Variants in ASAP1 observed in about 807,000 individuals in gnomAD.
The protein encoded by ASAP1 is arf-GAP with SH3 domain, ANK repeat and PH domain-containing protein 1.
In ASAP1, 43 loss-of-function variants were observed where a neutral mutation model predicts 145.2. The observed-to-expected ratio is 0.30, with a 90% CI of 0.23 to 0.38. ASAP1 has a LOEUF of 0.38. ASAP1 is among the 10% of genes least tolerant of loss of function. The pLI, the probability that ASAP1 is intolerant of heterozygous loss-of-function variation, is 1.00. For missense variants in ASAP1, 1,018 were observed against 1,355.3 expected (o/e 0.75, Z 3.91); for synonymous variants, 546 against 515.5 (o/e 1.06, Z -0.80).
chr8:130,394,435 C>G (rs552716788), intron 2 of ASAP1, among the ~76,000 whole-genome samples: 2 of 152,098 alleles, frequency 1.3e-5, no homozygotes, highest in South Asian at 2.1e-4. Flanking sequence ...TTGGTCAGAC[C>G]GGTTGCTCTC....
In ASAP1 at chr8:130,079,920, C is replaced by A; in HGVS notation, c.2624G>T (p.Gly875Val). 6.2e-7 allele frequency: 1 copy of A among 1,614,132 alleles called. No individual in the cohort carries two copies. The highest frequency in any genetic ancestry group is 8.5e-7 in the Non-Finnish European group (1 of 1,180,006). ...SSSKTTNKFE[G>V]LSQQSSTSSA... ...GGCTTACCTCGACTGCTGGGATAGT[C>A]CCTCAAACTTGTTTGTAGTCTTACT... The change falls in exon 26 of 30, where the codon GGA becomes GTA. Residue 875 changes from glycine to valine, a missense_variant. This residue lies in a region of ASAP1 where 38 missense variants were observed against 77.2 expected (regional missense o/e 0.49). Transcript: ENST00000518721.
intron 25 of ASAP1, among the ~76,000 whole-genome samples, chr8:130,081,375 T>C (rs1338725812): frequency 6.6e-6 from 1 of 152,128 alleles, no homozygotes; most frequent in Non-Finnish European, 1.5e-5. Context: ...CCCAGGAGGA[T>C]TCCCCGGGAC....
chr8:130,143,411 GTTT>G (rs35855151), intron 13 of ASAP1, among the ~76,000 whole-genome samples: 2 of 142,086 alleles, frequency 1.4e-5, no homozygotes, highest in Non-Finnish European at 1.5e-5. Context: ...TGAGATGTCT[GTTT>G]TTTTTTTTTT....
intron 1 of ASAP1, among the ~76,000 whole-genome samples, chr8:130,403,673 C>T (rs11783764): frequency 0.034 from 5,198 of 151,698 alleles, 121 homozygotes; most frequent in Middle Eastern, 0.075. Context: ...CTCCCTCAGC[C>T]TCCCAAGTAG....
At chr8:130,374,033 T>TA (rs1313476574) in intron 2 of ASAP1, among the ~76,000 whole-genome samples, 1 of 96,436 alleles carries the variant, frequency 1.0e-5, no homozygotes, top group East Asian at 2.5e-4. Context: ...GTAACTCCCT[T>TA]TAAAAAAAAA....
rs534089514 is a variant in ASAP1, at chr8:130,097,617, T to C, written c.2402-5474A>G. 1.0e-3 allele frequency among the ~76,000 whole-genome samples: 156 copies of C among 152,340 alleles called. 1 individual carries two copies. The highest frequency in any genetic ancestry group is 0.01 in the Middle Eastern group (3 of 294). On this transcript the variant is annotated intron_variant, in intron 24 of 29. Coordinates refer to ENST00000518721, the MANE Select transcript of ASAP1 (RefSeq NM_018482.4). ...AGTGTGCCCGGCATACAGCCAGGGCTCAGGAAGTGCACCCAGGCAGTGTAT... is the reference window on the plus strand; with the variant it reads ...AGTGTGCCCGGCATACAGCCAGGGCCCAGGAAGTGCACCCAGGCAGTGTAT...
At chr8:130,270,667 A>G (rs1412667126) in intron 3 of ASAP1, among the ~76,000 whole-genome samples, 2 of 152,210 alleles carry the variant, frequency 1.3e-5, no homozygotes, top group African/African-American at 4.8e-5. Flanking sequence ...TTTGGTTCTA[A>G]TATTTGAGTT....
At chr8:130,117,484 T>C (rs1401300467) in intron 20 of ASAP1, among the ~76,000 whole-genome samples, 1 of 152,202 alleles carries the variant, frequency 6.6e-6, no homozygotes, top group Non-Finnish European at 1.5e-5. Context: ...ATGTACCATT[T>C]TTCCTCTATG....
chr8:130,415,824 A>C (rs1355299941), intron 1 of ASAP1, among the ~76,000 whole-genome samples: 1 of 152,076 alleles, frequency 6.6e-6, no homozygotes, highest in Non-Finnish European at 1.5e-5. Flanking sequence ...ATGAGACCTA[A>C]CACTGGCCCT....
intron 24 of ASAP1, among the ~76,000 whole-genome samples, chr8:130,107,511 A>T (rs7820841): frequency 0.1 from 12,881 of 124,012 alleles, 1,246 homozygotes; most frequent in African/African-American, 0.28. Context: ...TTTTTTTTTT[A>T]AAAAATGTAT....
At position 130,399,106 on chromosome 8, in the gene ASAP1, T is replaced by C. The variant is rs375891724; in HGVS notation, c.59+2779A>G. ...ACATCCTTAAAGGATGGGACGTGCCTTTCTCTGTCTCGTTCCTTCCTCCTG... is the reference window on the plus strand; with the variant it reads ...ACATCCTTAAAGGATGGGACGTGCCCTTCTCTGTCTCGTTCCTTCCTCCTG... On this transcript the variant is annotated intron_variant, in intron 2 of 29. Transcript: ENST00000518721. 1.1e-3 allele frequency among the ~76,000 whole-genome samples: 170 copies of C among 152,334 alleles called. 2 individuals are homozygous for C. The South Asian group carries it at 0.035, about 31-fold the overall frequency.
chr8:130,266,208 C>G (rs964384832), intron 3 of ASAP1, among the ~76,000 whole-genome samples: 2 of 152,104 alleles, frequency 1.3e-5, no homozygotes, highest in Non-Finnish European at 2.9e-5. Flanking sequence ...GCTGGTCTGT[C>G]TCTAAGGTGG....
intron 5 of ASAP1, among the ~76,000 whole-genome samples, chr8:130,190,613 G>A (rs1369840929): frequency 1.3e-5 from 2 of 152,102 alleles, no homozygotes; most frequent in East Asian, 3.9e-4. Context: ...CACCTCTTAG[G>A]TTCAAGCGAT....
intron 14 of ASAP1, among the ~76,000 whole-genome samples, chr8:130,135,349 G>A (rs1247314880): frequency 6.6e-6 from 1 of 152,090 alleles, no homozygotes; most frequent in Non-Finnish European, 1.5e-5. Flanking sequence ...TCAGCCAGAT[G>A]TGGTGGCATG....
chr8:130,150,649 C>T lies in ASAP1; in HGVS notation c.1080+2087G>A, dbSNP rs147463291. 4.4e-3 allele frequency among the ~76,000 whole-genome samples: 672 copies of T among 152,196 alleles called. 5 individuals carry two copies. The highest frequency in any genetic ancestry group is 0.014 in the African/African-American group (602 of 41,532). Reference sequence around the variant, plus strand: ...ATCCCAGCACTTTGGGAGGCCGAGGCGGGTGGATCACTTAAGCTCAGGAGC... The same window carrying T: ...ATCCCAGCACTTTGGGAGGCCGAGGTGGGTGGATCACTTAAGCTCAGGAGC... On this transcript the variant is annotated intron_variant, in intron 13 of 29. Transcript: ENST00000518721.
chr8:130,131,330 T>A (rs2097582658), intron 15 of ASAP1, among the ~76,000 whole-genome samples: 2 of 152,108 alleles, frequency 1.3e-5, no homozygotes, highest in Non-Finnish European at 1.5e-5. Flanking sequence ...ATAAACTCAA[T>A]GATGCAGTGA....
At chr8:130,109,854 T>G (rs916837633) in intron 24 of ASAP1, among the ~76,000 whole-genome samples, 2 of 152,212 alleles carry the variant, frequency 1.3e-5, no homozygotes, top group African/African-American at 4.8e-5. Context: ...ACTCCCTATG[T>G]CTCACCAGCA....
intron 2 of ASAP1, among the ~76,000 whole-genome samples, chr8:130,362,259 G>A (rs1186016004): frequency 6.6e-6 from 1 of 152,184 alleles, no homozygotes. Context: ...TGGGGAGTCA[G>A]AGGTGCTCTG....
At chr8:130,431,898 A>T (rs75305704) in intron 1 of ASAP1, among the ~76,000 whole-genome samples, 14 of 115,966 alleles carry the variant, frequency 1.2e-4, no homozygotes, top group African/African-American at 3.8e-4. Context: ...GAAGATAAGG[A>T]GGGGGAAATG....
Sources: gnomAD v4.1 joint callset for allele counts (sites outside exome capture counted in the v4.1 genomes callset) on GRCh38, gnomAD v4.1.1 for gene constraint, gnomAD v4.1.1 regional missense constraint, MANE v1.5 for transcripts, NCBI Gene and HGNC (gene_info 2026-07-23, HGNC 2026-07-21) for gene names.